The following MSL1 variants were observed in gnomAD, a reference collection of about 807,000 sequenced individuals.
MSL1 encodes the protein male-specific lethal 1 homolog.
Under a neutral mutation model 64.6 loss-of-function variants are expected in MSL1, and 21 were observed. The observed-to-expected ratio is 0.33, with a 90% CI of 0.23 to 0.47. MSL1 has a LOEUF of 0.47. Ranked by LOEUF, MSL1 falls within the 20% of genes least tolerant of loss-of-function variation. The pLI, the probability that MSL1 is intolerant of heterozygous loss-of-function variation, is 1.00. For missense variants in MSL1, 664 were observed against 793.2 expected (o/e 0.84, Z 1.96); for synonymous variants, 339 against 329.6 (o/e 1.03, Z -0.31).
rs1383379303 is a variant in MSL1 at position 40,131,962 on chromosome 17, T to G, written c.1424-72T>G. 1 of 1,099,440 alleles carries G rather than the reference T, an allele frequency of 9.1e-7. No individual in the cohort carries two copies. The highest frequency in any genetic ancestry group is 1.6e-5 in the African/African-American group (1 of 64,080). 68.1% of individuals were successfully genotyped at this position (1,099,440 alleles called of 1,614,324 possible). A position where few individuals can be genotyped will look rare whatever the true frequency, so the allele number is the denominator to read the frequency against. ...GGGAGAGACCTCTTATCCTAGTGAATAGTTGTGCAACTTTGGATTTAAGGG... is the reference window on the plus strand; with the variant it reads ...GGGAGAGACCTCTTATCCTAGTGAAGAGTTGTGCAACTTTGGATTTAAGGG... On this transcript the variant is annotated intron_variant, in intron 4 of 8. Coordinates refer to ENST00000398532, the MANE Select transcript of MSL1 (RefSeq NM_001365919.1). The surrounding 1 kb of genome is among the most constrained non-coding windows in gnomAD (Gnocchi z 4.5).
At chr17:40,124,507 TCGG>T (rs1343565957) in intron 1 of MSL1, 2 of 152,170 alleles carry the variant, frequency 1.3e-5, no homozygotes, top group Non-Finnish European at 2.9e-5. Flanking sequence ...ATGAATCTCA[TCGG>T]GTGGCTGTTT....
Position 40,133,850 on chromosome 17 carries a change from T to G in MSL1, c.1705T>G (p.Phe569Val), listed in dbSNP as rs1215336385. The change falls in exon 8 of 9, where the codon TTC becomes GTC. Residue 569 changes from phenylalanine (F) to valine (V), a missense_variant. By Grantham distance (50) the Phe-to-Val change is conservative. This residue lies in a region of MSL1 where 76 missense variants were observed against 98.5 expected (regional missense o/e 0.77). Transcript: ENST00000398532. ...AGTTGAAAGTTTGATGATTACCCCC[T>G]TCTTGCCTGTTGTAGCATTTGGACG... ...DDVESLMITP[F>V]LPVVAFGRPL... The G allele has an allele frequency of 6.2e-7, 1 of 1,613,904 alleles. No individual in the cohort carries two copies. Among genetic ancestry groups the G allele is most frequent in the African/African-American group, 1.3e-5 (1 of 74,938 alleles).
chr17:40,134,354 G>C lies in MSL1; in HGVS notation c.1830G>C (p.Arg610=), dbSNP rs372766568. 7 of 1,555,062 alleles carry C rather than the reference G, an allele frequency of 4.5e-6. No individual in the cohort carries two copies. The highest frequency in any genetic ancestry group is 6.1e-6 in the Non-Finnish European group (7 of 1,148,810). The change falls in exon 9 of 9, where the codon CGG becomes CGC. Residue 610 remains arginine, a synonymous_variant. Coordinates refer to ENST00000398532, the MANE Select transcript of MSL1 (RefSeq NM_001365919.1). ...TCCAGAAGAAGCAAACACCTCACCGGACGTGTAGGAAATAGCTGTGCTGGC... is the reference window on the plus strand; with the variant it reads ...TCCAGAAGAAGCAAACACCTCACCGCACGTGTAGGAAATAGCTGTGCTGGC... ...LEIQKKQTPH[R]TCRK
chr17:40,132,937 G>A (rs1988469454), intron 5 of MSL1, 105 bp from the exon 6 acceptor site: 27 of 1,067,036 alleles, frequency 2.5e-5, no homozygotes, highest in South Asian at 1.9e-4. Context: ...AGGTAGAACC[G>A]GAAGGTGAAA....
chr17:40,123,456 G>A (rs953087745), intron 1 of MSL1, 76 bp downstream of exon 1: 1 of 1,424,678 alleles, frequency 7.0e-7, no homozygotes, highest in Non-Finnish European at 9.5e-7. Flanking sequence ...GCTGTAGGAG[G>A]TTAAGGCACC....
Position 40,129,482 on chromosome 17 carries a change from T to C in MSL1, c.1230T>C (p.His410=), listed in dbSNP as rs76774458. 1.2e-3 allele frequency: 1,870 copies of C among 1,613,712 alleles called. 76 individuals are homozygous for C. The East Asian group carries it at 0.041, about 36-fold the overall frequency. The change falls in exon 3 of 9, where the codon CAT becomes CAC. Residue 410 remains histidine, a synonymous_variant. Coordinates refer to ENST00000398532, the MANE Select transcript of MSL1 (RefSeq NM_001365919.1). ...LSTPQKGPST[H]PKEKAFSSEI... ...CTCCCCAAAAGGGACCCAGCACCCA[T>C]CCCAAGGAGAAAGCCTTCTCAAGTG...
At position 40,126,332 on chromosome 17, in the gene MSL1, G is replaced by A. The variant is rs368491405; in HGVS notation, c.918G>A (p.Pro306=). The A allele has an allele frequency of 2.7e-4, 442 of 1,613,858 alleles. 1 individual carries two copies. The highest frequency in any genetic ancestry group is 3.5e-4 in the Non-Finnish European group (410 of 1,179,894). The change falls in exon 2 of 9, where the codon CCG becomes CCA. Residue 306 remains proline (P), a synonymous_variant. Coordinates refer to ENST00000398532, the MANE Select transcript of MSL1 (RefSeq NM_001365919.1). ...LSEKIKLECQ[P]ELSETSQTLP... is the part of the protein sequence containing the mutation. ...AGAAAATTAAACTGGAGTGCCAGCC[G>A]GAGCTTTCCGAGACATCCCAGACTC...
chr17:40,135,936 T>TC lies in MSL1; in HGVS notation c.*1568dup. 1 of 152,282 alleles carries TC rather than the reference T, an allele frequency of 6.6e-6. No homozygotes were observed. Among genetic ancestry groups the TC allele is most frequent in the East Asian group, 1.9e-4 (1 of 5,318 alleles). The allele number at this position is 152,282 out of a possible 1,614,324, so 9.4% of individuals were successfully genotyped here. ...TCTATAAGGGAACCTGCTGTAAACTTCATTGCAGCAAGGATGTAGAGAGAA... is the reference window on the plus strand; with the variant it reads ...TCTATAAGGGAACCTGCTGTAAACTTCCATTGCAGCAAGGATGTAGAGAGAA... On this transcript the variant is annotated 3_prime_UTR_variant, in exon 9 of 9. Coordinates refer to ENST00000398532, the MANE Select transcript of MSL1 (RefSeq NM_001365919.1).
At chr17:40,132,141 A>T in intron 5 of MSL1, 43 bp downstream of exon 5, 1 of 1,384,202 alleles carries the variant, frequency 7.2e-7, no homozygotes, top group South Asian at 1.2e-5. Context: ...TAAGAGATTA[A>T]ATAGAATGTG....
intron 1 of MSL1, among the ~76,000 whole-genome samples, chr17:40,123,753 T>C (rs1186757834): frequency 6.6e-6 from 1 of 152,146 alleles, no homozygotes. Flanking sequence ...TAAAGAGCTA[T>C]TGCGTTAGAA....
At chr17:40,133,717 C>A (rs1208943289) in intron 7 of MSL1, 59 bp downstream of exon 7, 9 of 1,611,412 alleles carry the variant, frequency 5.6e-6, no homozygotes, top group Admixed American at 1.7e-5. Context: ...GTGCAAGGCT[C>A]CAGGGTACAA....
chr17:40,122,903 C>T lies in MSL1; in HGVS notation c.291C>T (p.Gly97=). ...CCGGGCAGCAGGAAGAGAGCTGGGG[C>T]GGTTCGGTGCCCTTGCCCTGTCCGC... is the stretch of plus-strand genomic sequence containing the variant. The part of the protein sequence containing the change: ...AAPGQQEESW[G]GSVPLPCPPP... The change falls in exon 1 of 9, where the codon GGC becomes GGT. Residue 97 remains glycine, a synonymous_variant. Transcript: ENST00000398532. The surrounding 1 kb of genome is among the most constrained non-coding windows in gnomAD (Gnocchi z 4.2). 1 of 1,478,116 alleles carries T rather than the reference C, an allele frequency of 6.8e-7. No homozygotes were observed. The highest frequency in any genetic ancestry group is 1.5e-5 in the African/African-American group (1 of 68,064). 91.6% of individuals were successfully genotyped at this position (1,478,116 alleles called of 1,614,324 possible).
At chr17:40,123,864 G>A (rs1369557181) in intron 1 of MSL1, among the ~76,000 whole-genome samples, 1 of 152,150 alleles carries the variant, frequency 6.6e-6, no homozygotes, top group Non-Finnish European at 1.5e-5. Flanking sequence ...TGGGCACAGG[G>A]GTAGAGGTGA....
Position 40,123,392 on chromosome 17 carries a change from G to A in MSL1, c.768+12G>A, listed in dbSNP as rs1414761191. ...CAGAGAGAGACACGGTACGGGAGGG[G>A]TTAATCTGCATTCGGGCCGAGGAGC... On this transcript the variant is annotated intron_variant, in intron 1 of 8. Transcript: ENST00000398532. The A allele has an allele frequency of 3.9e-6, 6 of 1,534,916 alleles. No individual in the cohort carries two copies. The highest frequency in any genetic ancestry group is 2.0e-5 in the Admixed American group (1 of 50,432).
Position 40,133,518 on chromosome 17 carries a change from G to C in MSL1, c.1557-16G>C. ...AATGTTGGGTTTCTTTGTTTTGTTT[G>C]GTTTGTTTTTCCCAGATGGGATATT... On this transcript the variant is annotated splice_polypyrimidine_tract_variant and intron_variant, in intron 6 of 8. Transcript: ENST00000398532. 6.2e-7 allele frequency: 1 copy of C among 1,603,120 alleles called. No homozygotes were observed. Among genetic ancestry groups the C allele is most frequent in the Non-Finnish European group, 8.5e-7 (1 of 1,175,088 alleles).
In MSL1 at chr17:40,122,080, G is replaced by A. The variant is rs944334718; in HGVS notation, c.-533G>A. Among the ~76,000 whole-genome samples the A allele has an allele frequency of 4.6e-5, 7 of 151,440 alleles. No homozygotes were observed. The highest frequency in any genetic ancestry group is 1.2e-4 in the African/African-American group (5 of 41,226). On this transcript the variant is annotated 5_prime_UTR_variant, in exon 1 of 9. Coordinates refer to ENST00000398532, the MANE Select transcript of MSL1 (RefSeq NM_001365919.1). The surrounding 1 kb of genome is among the most constrained non-coding windows in gnomAD (Gnocchi z 4.2). ...GGTGACTGTGGGGGAGGGGGACCCC[G>A]AGCCGCGGAGACCCCCGGGAGAGGC...
chr17:40,122,479 G>C lies in MSL1; in HGVS notation c.-134G>C. 1.7e-6 allele frequency: 1 copy of C among 579,222 alleles called. No individual in the cohort carries two copies. The highest frequency in any genetic ancestry group is 2.6e-6 in the Non-Finnish European group (1 of 378,962). 35.9% of individuals were successfully genotyped at this position (579,222 alleles called of 1,614,324 possible). A position where few individuals can be genotyped will look rare whatever the true frequency, so the allele number is the denominator to read the frequency against. On this transcript the variant is annotated 5_prime_UTR_variant, in exon 1 of 9. The change abolishes the stop of an existing upstream ORF in the 5' untranslated region. Transcript: ENST00000398532. This position sits in a 1 kb window ranked among gnomAD's most constrained non-coding sequence, Gnocchi z 4.2. ...CCCGGGCCCCGGAGGAGCCGCGCTA[G>C]CGGAGGCCTGCTGCCGCGCTGCTGA... is the stretch of plus-strand genomic sequence containing the variant.
rs190505948 is a variant in MSL1, at chr17:40,135,251, G to A, written c.*882G>A. ...GAGACTTAGGGAGGGTAGGGGGAGA[G>A]TGTGGAAATAGGTGCTTCCTTTGGC... is the stretch of plus-strand genomic sequence containing the variant. On this transcript the variant is annotated 3_prime_UTR_variant, in exon 9 of 9. Coordinates refer to ENST00000398532, the MANE Select transcript of MSL1 (RefSeq NM_001365919.1). 2.2e-3 allele frequency: 341 copies of A among 152,392 alleles called. 3 individuals are homozygous for A. Among genetic ancestry groups the A allele is most frequent in the Non-Finnish European group, 2.9e-3 (198 of 68,032 alleles). The allele number at this position is 152,392 out of a possible 1,614,324, so 9.4% of individuals were successfully genotyped here.
In MSL1 at chr17:40,135,001, T is replaced by G. The variant is rs1459720200; in HGVS notation, c.*632T>G. 3.3e-5 allele frequency: 5 copies of G among 152,376 alleles called. No homozygotes were observed. Among genetic ancestry groups the G allele is most frequent in the Non-Finnish European group, 7.3e-5 (5 of 68,054 alleles). The allele number at this position is 152,376 out of a possible 1,614,324, so 9.4% of individuals were successfully genotyped here. A position where few individuals can be genotyped will look rare whatever the true frequency, so the allele number is the denominator to read the frequency against. The stretch of plus-strand genomic sequence containing the variant: ...GGGAAGGGATGTTTGGCTGTGATTA[T>G]TTTTTCAGTTAATGGATAACAATTT... On this transcript the variant is annotated 3_prime_UTR_variant, in exon 9 of 9. Coordinates refer to ENST00000398532, the MANE Select transcript of MSL1 (RefSeq NM_001365919.1).
Sources: gnomAD v4.1 joint callset for allele counts (sites outside exome capture counted in the v4.1 genomes callset) on GRCh38, gnomAD v4.1.1 for gene constraint, gnomAD v4.1.1 regional missense constraint, Gnocchi (gnomAD v3.1) non-coding constraint, MANE v1.5 for transcripts, NCBI Gene and HGNC (gene_info 2026-07-23, HGNC 2026-07-21) for gene names.